RYR2: variants seen among roughly 807,000 people sequenced by gnomAD.
RYR2 encodes cardiac muscle ryanodine receptor-calcium release channel.
RYR2 carries 227 observed loss-of-function variants against 601.1 expected under a neutral mutation model. That is an observed-to-expected ratio of 0.38 (90% CI 0.34 to 0.42). RYR2 has a LOEUF of 0.42. RYR2 is among the 10% of genes least tolerant of loss of function. The pLI is 1.00. For missense variants in RYR2, 4,646 were observed against 6,156.5 expected (o/e 0.75, Z 8.21); for synonymous variants, 2,223 against 2,175.1 (o/e 1.02, Z -0.61).
intron 101 of RYR2, among the ~76,000 whole-genome samples, chr1:237,823,340 C>T (rs2102872491): frequency 6.6e-6 from 1 of 152,314 alleles, no homozygotes; most frequent in African/African-American, 2.4e-5. Flanking sequence ...TCTCAGACCA[C>T]AGTGCAATCA....
chr1:237,812,615 G>GA (rs1240249049), intron 100 of RYR2, among the ~76,000 whole-genome samples: 3 of 152,192 alleles, frequency 2.0e-5, no homozygotes, highest in African/African-American at 2.4e-5. Context: ...CCACAGGGTG[G>GA]AAGATATTGA....
At chr1:237,633,550 A>T (rs12563366) in intron 42 of RYR2, 28 bp from the exon 43 acceptor site, 1 of 1,612,700 alleles carries the variant, frequency 6.2e-7, no homozygotes, top group African/African-American at 1.3e-5. Context: ...GTTTGCTTTC[A>T]GCAGCTAATG....
chr1:237,186,786 C>T (rs1331001424), intron 1 of RYR2, among the ~76,000 whole-genome samples: 1 of 152,218 alleles, frequency 6.6e-6, no homozygotes, highest in Non-Finnish European at 1.5e-5. Context: ...TTATTCGCAT[C>T]TCCTTGTGGC....
At chr1:237,430,884 C>A (rs1348458974) in intron 12 of RYR2, among the ~76,000 whole-genome samples, 1 of 152,178 alleles carries the variant, frequency 6.6e-6, no homozygotes, top group African/African-American at 2.4e-5. Context: ...TATTTGAGGA[C>A]TTTTGACTCT....
At chr1:237,431,746 A>G (rs1172502645) in intron 12 of RYR2, among the ~76,000 whole-genome samples, 2 of 152,158 alleles carry the variant, frequency 1.3e-5, no homozygotes, top group Non-Finnish European at 2.9e-5. Context: ...AGAGGGCAGA[A>G]CAGTATCTGT....
intron 53 of RYR2, among the ~76,000 whole-genome samples, chr1:237,656,806 G>A (rs1683290365): frequency 6.6e-6 from 1 of 152,158 alleles, no homozygotes; most frequent in Admixed American, 6.5e-5. Flanking sequence ...TGAGTGGTAT[G>A]CCATTAGTTT....
chr1:237,814,723 A>G (rs1661606717), intron 100 of RYR2, among the ~76,000 whole-genome samples: 1 of 152,102 alleles, frequency 6.6e-6, no homozygotes, highest in African/African-American at 2.4e-5. Context: ...AGGGAGTCTG[A>G]CTTGACATAT....
intron 63 of RYR2, among the ~76,000 whole-genome samples, chr1:237,692,313 A>T (rs1315236848): frequency 6.6e-6 from 1 of 152,192 alleles, no homozygotes; most frequent in Admixed American, 6.5e-5. Flanking sequence ...CCAATATGCA[A>T]ACATCTTTCG....
intron 1 of RYR2, among the ~76,000 whole-genome samples, chr1:237,103,645 T>C (rs908191014): frequency 3.3e-5 from 5 of 152,238 alleles, no homozygotes; most frequent in African/African-American, 7.2e-5. Flanking sequence ...CTCGGCTCAC[T>C]GCAACATCCA....
chr1:237,395,531 G>GTTTTTTTT (rs1330833544), intron 10 of RYR2, among the ~76,000 whole-genome samples: 7 of 98,972 alleles, frequency 7.1e-5, no homozygotes, highest in Admixed American at 1.3e-4. Flanking sequence ...TAGTAGGACT[G>GTTTTTTTT]TCTTTTTTTT....
At chr1:237,745,199 A>G (rs1279365814) in intron 80 of RYR2, among the ~76,000 whole-genome samples, 6 of 152,180 alleles carry the variant, frequency 3.9e-5, no homozygotes, top group Admixed American at 3.3e-4. Flanking sequence ...TGTATATACT[A>G]TCAGATGCAG....
At chr1:237,241,482 G>A (rs1011915521) in intron 1 of RYR2, among the ~76,000 whole-genome samples, 6 of 152,174 alleles carry the variant, frequency 3.9e-5, no homozygotes, top group Admixed American at 6.5e-5. Context: ...ATCTGTCACA[G>A]GGTAAATCTC....
chr1:237,169,220 C>G (rs1677055508), intron 1 of RYR2, among the ~76,000 whole-genome samples: 1 of 152,108 alleles, frequency 6.6e-6, no homozygotes, highest in African/African-American at 2.4e-5. Flanking sequence ...TTACTTTCCC[C>G]CAAATATCAA....
chr1:237,820,652 C>G (rs1662379292), intron 101 of RYR2, among the ~76,000 whole-genome samples: 1 of 152,152 alleles, frequency 6.6e-6, no homozygotes, highest in South Asian at 2.1e-4. Flanking sequence ...ACCAGTGGCA[C>G]CTGGGATGCC....
At chr1:237,750,277 C>A (rs973712814) in intron 80 of RYR2, among the ~76,000 whole-genome samples, 1 of 151,852 alleles carries the variant, frequency 6.6e-6, no homozygotes, top group African/African-American at 2.4e-5. Flanking sequence ...GAAAAAAAAA[C>A]TATTGAAAGA....
intron 25 of RYR2, among the ~76,000 whole-genome samples, chr1:237,540,680 C>G (rs1308819771): frequency 2.0e-5 from 3 of 151,108 alleles, no homozygotes; most frequent in Non-Finnish European, 4.4e-5. Context: ...GTAATCCAGC[C>G]TGGACAACAA....
At chr1:237,749,514 C>T (rs915637546) in intron 80 of RYR2, among the ~76,000 whole-genome samples, 1 of 152,070 alleles carries the variant, frequency 6.6e-6, no homozygotes, top group Admixed American at 6.6e-5. Flanking sequence ...TAAACTTTTA[C>T]AGTGTGGTGA....
At chr1:237,637,924 G>A (rs1681044156) in intron 44 of RYR2, among the ~76,000 whole-genome samples, 1 of 152,212 alleles carries the variant, frequency 6.6e-6, no homozygotes, top group Non-Finnish European at 1.5e-5. Context: ...GGCACTGTGG[G>A]TGATTGTGGG....
At chr1:237,153,179 A>G (rs1674923089) in intron 1 of RYR2, among the ~76,000 whole-genome samples, 3 of 152,208 alleles carry the variant, frequency 2.0e-5, no homozygotes. Flanking sequence ...GATGTATGTG[A>G]TGGACAATTT....
Sources: gnomAD v4.1 joint callset for allele counts (sites outside exome capture counted in the v4.1 genomes callset) on GRCh38, gnomAD v4.1.1 for gene constraint, MANE v1.5 for transcripts, NCBI Gene and HGNC (gene_info 2026-07-23, HGNC 2026-07-21) for gene names.